LINGO2: variants seen among roughly 807,000 people sequenced by gnomAD.
LINGO2 encodes leucine-rich repeat and immunoglobulin-like domain-containing nogo receptor-interacting protein 2.
LINGO2 carries 14 observed loss-of-function variants against 30.6 expected under a neutral mutation model. That is an observed-to-expected ratio of 0.46 (90% confidence interval 0.30 to 0.72). The LOEUF is 0.72. LINGO2 is among the 30% of genes least tolerant of loss of function. LINGO2 has a pLI of 0.07. For missense variants in LINGO2, 729 were observed against 751.7 expected (o/e 0.97, Z 0.35); for synonymous variants, 317 against 288.5 (o/e 1.10, Z -1.00).
At chr9:27,985,471 A>AT (rs763031584) in intron 5 of LINGO2, among the ~76,000 whole-genome samples, 10 of 151,884 alleles carry the variant, frequency 6.6e-5, no homozygotes, top group African/African-American at 9.7e-5. Context: ...TAGCTTGAAC[A>AT]GTTTAACTGT....
At chr9:28,954,878 T>G in the LINGO2 span, among the ~76,000 whole-genome samples, 1 of 152,084 alleles carries the variant, frequency 6.6e-6, no homozygotes, top group Admixed American at 6.6e-5. Context: ...TAGAAAGGAT[T>G]TAGATTAAGA....
chr9:28,576,597 C>T (rs1253566803), intron 1 of LINGO2, among the ~76,000 whole-genome samples: 2 of 152,068 alleles, frequency 1.3e-5, no homozygotes, highest in Admixed American at 1.3e-4. Context: ...GAGAATAATT[C>T]TTATGATAAT....
chr9:28,051,014 A>G (rs1490362716), intron 4 of LINGO2, among the ~76,000 whole-genome samples: 1 of 150,954 alleles, frequency 6.6e-6, no homozygotes, highest in Non-Finnish European at 1.5e-5. Context: ...GGTTGAAACA[A>G]AGTTCTGTTT....
chr9:28,308,724 C>A (rs1473896247), intron 3 of LINGO2, among the ~76,000 whole-genome samples: 10 of 150,982 alleles, frequency 6.6e-5, no homozygotes, highest in Admixed American at 5.3e-4. Flanking sequence ...TGAACTCAAA[C>A]AAATTTACAA....
At chr9:29,204,521 A>G in the LINGO2 span, among the ~76,000 whole-genome samples, 2 of 152,138 alleles carry the variant, frequency 1.3e-5, no homozygotes, top group African/African-American at 4.8e-5. Flanking sequence ...CCCAATAAAC[A>G]CCTGAAGAAT....
At chr9:29,199,681 G>C in the LINGO2 span, among the ~76,000 whole-genome samples, 1 of 152,118 alleles carries the variant, frequency 6.6e-6, no homozygotes, top group African/African-American at 2.4e-5. Flanking sequence ...TATATGAATA[G>C]TATGTAAAAG....
chr9:28,819,876 C>T, the LINGO2 span, among the ~76,000 whole-genome samples: 2 of 152,156 alleles, frequency 1.3e-5, no homozygotes, highest in African/African-American at 4.8e-5. Flanking sequence ...TCTTGGTAAA[C>T]TCTCCTTTTA....
chr9:28,041,204 C>T (rs906590600), intron 4 of LINGO2, among the ~76,000 whole-genome samples: 3 of 152,308 alleles, frequency 2.0e-5, no homozygotes, highest in Admixed American at 1.3e-4. Context: ...ACCTCATAAA[C>T]TGTTTTCTCA....
At chr9:28,848,387 G>GTATA in the LINGO2 span, among the ~76,000 whole-genome samples, 8 of 51,820 alleles carry the variant, frequency 1.5e-4, no homozygotes, top group Non-Finnish European at 2.0e-4. Context: ...GTGTGTGTGT[G>GTATA]TGTGTGTGTG....
intron 4 of LINGO2, among the ~76,000 whole-genome samples, chr9:28,292,449 T>C (rs1823765024): frequency 6.6e-6 from 1 of 152,148 alleles, no homozygotes; most frequent in African/African-American, 2.4e-5. Context: ...GTAATATCAA[T>C]TATTTTATCT....
In LINGO2 at chr9:28,148,574, T is replaced by C. The variant is rs4007456; in HGVS notation, c.-86-136169A>G. The stretch of plus-strand genomic sequence containing the variant: ...TAGGCCCCTGGAGACTCAGGGAAAC[T>C]TCACTTCCTCCTGGTACAATCCCAG... On this transcript the variant is annotated intron_variant, in intron 4 of 5. Transcript: ENST00000379992. This position sits in a 1 kb window ranked among gnomAD's most constrained non-coding sequence, Gnocchi z 5.1. The C allele has an allele frequency of 6.6e-7, 1 of 1,506,914 alleles. No individual in the cohort carries two copies. Among genetic ancestry groups the C allele is most frequent in the South Asian group, 1.2e-5 (1 of 83,394 alleles). 93.3% of individuals were successfully genotyped at this position (1,506,914 alleles called of 1,614,324 possible).
At chr9:28,757,679 G>A in the LINGO2 span, among the ~76,000 whole-genome samples, 13 of 151,980 alleles carry the variant, frequency 8.6e-5, no homozygotes, top group East Asian at 2.3e-3. Context: ...AGACAATTCT[G>A]GTACATTTTG....
chr9:28,555,915 T>C (rs1822651663), intron 1 of LINGO2, among the ~76,000 whole-genome samples: 2 of 152,100 alleles, frequency 1.3e-5, no homozygotes, highest in Non-Finnish European at 2.9e-5. Flanking sequence ...TCTCAATAGA[T>C]GCAGAAAAGG....
chr9:28,813,114 GTCTAAAGAGCACTCCAGAT>G, the LINGO2 span, among the ~76,000 whole-genome samples: 1 of 150,650 alleles, frequency 6.6e-6, no homozygotes, highest in African/African-American at 2.5e-5. Flanking sequence ...CACGTAGATT[GTCTAAAGAGCACTCCAGAT>G]TTTGAGGTAT....
intron 4 of LINGO2, among the ~76,000 whole-genome samples, chr9:28,179,082 CT>C (rs1331859960): frequency 6.6e-6 from 1 of 151,614 alleles, no homozygotes; most frequent in Non-Finnish European, 1.5e-5. Context: ...AAGTGTTAAA[CT>C]TTTTTTAATA....
At chr9:28,938,929 T>C in the LINGO2 span, among the ~76,000 whole-genome samples, 1 of 152,332 alleles carries the variant, frequency 6.6e-6, no homozygotes, top group South Asian at 2.1e-4. Context: ...ACGCAGAAAT[T>C]GAACTAACAA....
chr9:28,849,842 T>C, the LINGO2 span, among the ~76,000 whole-genome samples: 1 of 152,146 alleles, frequency 6.6e-6, no homozygotes, highest in African/African-American at 2.4e-5. Context: ...GCTGGCCTTT[T>C]ATGTTCCCAG....
chr9:28,267,200 G>A (rs1242939289), intron 4 of LINGO2, among the ~76,000 whole-genome samples: 1 of 151,942 alleles, frequency 6.6e-6, no homozygotes, highest in African/African-American at 2.4e-5. Flanking sequence ...CCAGAACAAT[G>A]TCTCTCATTT....
chr9:28,081,516 A>G (rs554303393), intron 4 of LINGO2, among the ~76,000 whole-genome samples: 2 of 152,286 alleles, frequency 1.3e-5, no homozygotes, highest in Non-Finnish European at 2.9e-5. Flanking sequence ...TTAAAAGAAG[A>G]AAGGTATTTT....
Sources: gnomAD v4.1 joint callset for allele counts (sites outside exome capture counted in the v4.1 genomes callset) on GRCh38, gnomAD v4.1.1 for gene constraint, Gnocchi (gnomAD v3.1) non-coding constraint, MANE v1.5 for transcripts, NCBI Gene and HGNC (gene_info 2026-07-23, HGNC 2026-07-21) for gene names.